Variants in KCNQ2 observed in about 807,000 individuals in gnomAD.
KCNQ2 encodes the protein potassium voltage-gated channel subfamily KQT member 2.
In KCNQ2, 14 loss-of-function variants were observed where a neutral mutation model predicts 84.8. The ratio of observed to expected loss-of-function variants is 0.17; its 90% confidence interval spans 0.11 to 0.26. The LOEUF (loss-of-function observed/expected upper bound fraction) is 0.26. Among genes scored for constraint, KCNQ2 ranks in the 10% least tolerant of loss-of-function variants. KCNQ2 has a pLI of 1.00. For missense variants in KCNQ2, 788 were observed against 1,254.0 expected (o/e 0.63, Z 5.61); for synonymous variants, 599 against 554.1 (o/e 1.08, Z -1.14).
intron 10 of KCNQ2, among the ~76,000 whole-genome samples, chr20:63,427,396 T>G (rs1003386834): frequency 6.6e-6 from 1 of 152,228 alleles, no homozygotes; most frequent in Non-Finnish European, 1.5e-5. Context: ...TTGTAGGCGT[T>G]TGCCACAGCC....
intron 1 of KCNQ2, among the ~76,000 whole-genome samples, chr20:63,458,774 C>A (rs1246520777): frequency 6.6e-6 from 1 of 152,234 alleles, no homozygotes; most frequent in Non-Finnish European, 1.5e-5. Context: ...CCAAGTTGAA[C>A]CTGCTCGAGA....
rs538896190 is a variant in KCNQ2, at chr20:63,406,619, G to A, written c.*25C>T. 2 of 1,573,396 alleles carry A rather than the reference G, an allele frequency of 1.3e-6. No homozygotes were observed. The highest frequency in any genetic ancestry group is 1.3e-5 in the African/African-American group (1 of 74,376). On this transcript the variant is annotated 3_prime_UTR_variant, in exon 17 of 17. Coordinates refer to ENST00000359125, the MANE Select transcript of KCNQ2 (RefSeq NM_172107.4). Reference sequence around the variant, plus strand: ...GGCACCGTGCTGAGGAGGGCCGCGGGCGGGTCCACTGGCCCAGCGCCGCCT... The same window carrying A: ...GGCACCGTGCTGAGGAGGGCCGCGGACGGGTCCACTGGCCCAGCGCCGCCT...
At chr20:63,461,607 G>A (rs1001178343) in intron 1 of KCNQ2, among the ~76,000 whole-genome samples, 11 of 152,166 alleles carry the variant, frequency 7.2e-5, no homozygotes, top group Non-Finnish European at 1.6e-4. Flanking sequence ...CCCAAGAGTG[G>A]CCCCAGAGCC....
rs774678292 is a variant in KCNQ2, at chr20:63,403,636, G to C, written c.*3008C>G. ...CATGTGTATGCCTGTATGCAGGCATGTGTATGCACGTATGTGTACTGTGCA... is the reference window on the plus strand; with the variant it reads ...CATGTGTATGCCTGTATGCAGGCATCTGTATGCACGTATGTGTACTGTGCA... On this transcript the variant is annotated 3_prime_UTR_variant, in exon 17 of 17. Coordinates refer to ENST00000359125, the MANE Select transcript of KCNQ2 (RefSeq NM_172107.4). 2.0e-5 allele frequency: 3 copies of C among 152,396 alleles called. No individual in the cohort carries two copies. Among genetic ancestry groups the C allele is most frequent in the Admixed American group, 2.0e-4 (3 of 15,282 alleles). The allele number at this position is 152,396 out of a possible 1,614,324, so 9.4% of individuals were successfully genotyped here.
At chr20:63,461,214 G>A (rs867376782) in intron 1 of KCNQ2, among the ~76,000 whole-genome samples, 2 of 152,268 alleles carry the variant, frequency 1.3e-5, no homozygotes, top group African/African-American at 4.8e-5. Context: ...CCTGACAGAC[G>A]CAGCCCTGTC....
chr20:63,428,214 G>A (rs1455912638), intron 10 of KCNQ2, among the ~76,000 whole-genome samples, 153 bp downstream of exon 10: 1 of 152,204 alleles, frequency 6.6e-6, no homozygotes, highest in Non-Finnish European at 1.5e-5. Context: ...GACGCGAAAA[G>A]AGAAAGCACC....
chr20:63,465,685 T>C (rs2082062156), intron 1 of KCNQ2, among the ~76,000 whole-genome samples: 1 of 152,188 alleles, frequency 6.6e-6, no homozygotes, highest in South Asian at 2.1e-4. Context: ...GTTAGGCGTG[T>C]TGAACAGGTG....
chr20:63,439,890 C>T, intron 5 of KCNQ2, 182 bp from the exon 6 acceptor site: 1 of 658,808 alleles, frequency 1.5e-6, no homozygotes, highest in Non-Finnish European at 2.8e-6. Context: ...CCCCTGAGCC[C>T]TCTCTCCTCT....
intron 1 of KCNQ2, among the ~76,000 whole-genome samples, chr20:63,466,264 G>C (rs527273063): frequency 6.6e-6 from 1 of 151,528 alleles, no homozygotes; most frequent in Non-Finnish European, 1.5e-5. Flanking sequence ...CCCGGGCCCC[G>C]CGCTTCAACC....
At position 63,472,150 on chromosome 20, in the gene KCNQ2, G is replaced by A. The variant is rs1327659322; in HGVS notation, c.296+18C>T. Reference sequence around the variant, plus strand: ...GGTCGCCATGGGGGTCGCCACGGGGGCCCCGCCGGCCACTCACACGTAGGC... The same window carrying A: ...GGTCGCCATGGGGGTCGCCACGGGGACCCCGCCGGCCACTCACACGTAGGC... On this transcript the variant is annotated intron_variant, in intron 1 of 16. Coordinates refer to ENST00000359125, the MANE Select transcript of KCNQ2 (RefSeq NM_172107.4). 6 of 1,479,770 alleles carry A rather than the reference G, an allele frequency of 4.1e-6. No individual in the cohort carries two copies. Among genetic ancestry groups the A allele is most frequent in the Admixed American group, 2.4e-5 (1 of 42,482 alleles). 91.7% of individuals were successfully genotyped at this position (1,479,770 alleles called of 1,614,324 possible). A position where few individuals can be genotyped will look rare whatever the true frequency, so the allele number is the denominator to read the frequency against.
chr20:63,449,057 A>G (rs1048458943), intron 1 of KCNQ2: 3 of 152,090 alleles, frequency 2.0e-5, no homozygotes, highest in Non-Finnish European at 2.9e-5. Flanking sequence ...CCCTTCCCAC[A>G]AAGGTTGCCA....
At position 63,466,311 on chromosome 20, in the gene KCNQ2, C is replaced by T. The variant is rs562253602; in HGVS notation, c.296+5857G>A. Reference sequence around the variant, plus strand: ...CAGGCTTCCCACGCTCGAGCCGGGGCCCCGCGCTTCAACCCACGACCCCCG... The same window carrying T: ...CAGGCTTCCCACGCTCGAGCCGGGGTCCCGCGCTTCAACCCACGACCCCCG... On this transcript the variant is annotated intron_variant, in intron 1 of 16. Coordinates refer to ENST00000359125, the MANE Select transcript of KCNQ2 (RefSeq NM_172107.4). 9.9e-4 allele frequency: 150 copies of T among 151,518 alleles called. 2 individuals carry two copies. Among genetic ancestry groups the T allele is most frequent in the African/African-American group, 3.6e-3 (148 of 41,272 alleles). 9.4% of individuals were successfully genotyped at this position (151,518 alleles called of 1,614,324 possible).
At chr20:63,441,324 C>T (rs1049979653) in intron 5 of KCNQ2, among the ~76,000 whole-genome samples, 2 of 151,478 alleles carry the variant, frequency 1.3e-5, no homozygotes, top group Non-Finnish European at 2.9e-5. Context: ...ATACCAGCAT[C>T]CCTATTTGCT....
chr20:63,442,792 CATT>C (rs1238444709), intron 4 of KCNQ2, among the ~76,000 whole-genome samples: 4 of 107,958 alleles, frequency 3.7e-5, no homozygotes, highest in Non-Finnish European at 4.0e-5. Context: ...CCACCATCAC[CATT>C]ACCACCACCA....
At chr20:63,450,703 C>A (rs1046095631) in intron 1 of KCNQ2, among the ~76,000 whole-genome samples, 2 of 151,374 alleles carry the variant, frequency 1.3e-5, no homozygotes, top group South Asian at 4.2e-4. Flanking sequence ...GCCGAGGCTG[C>A]GGGGGCTTGG....
At position 63,444,719 on chromosome 20, in the gene KCNQ2, G is replaced by T. The variant is rs1256399477; in HGVS notation, c.630C>A (p.Arg210=). The T allele has an allele frequency of 6.2e-7, 1 of 1,601,538 alleles. No individual in the cohort carries two copies. The highest frequency in any genetic ancestry group is 8.5e-7 in the Non-Finnish European group (1 of 1,175,010). The part of the protein sequence containing the change: ...LRFLQILRMI[R]MDRRGGTWKL... ...TCCAGGTGCCTCCCCGCCGGTCCATGCGGATCATCCGCAGAATCTGCAGGA... is the reference window on the plus strand; with the variant it reads ...TCCAGGTGCCTCCCCGCCGGTCCATTCGGATCATCCGCAGAATCTGCAGGA... Residue 210 remains arginine, a synonymous_variant, in exon 4 of 17, where the codon CGC becomes CGA. Transcript: ENST00000359125.
rs1282721250 is a variant in KCNQ2 at position 63,407,945 on chromosome 20, G to C, written c.1887+468C>G. Reference sequence around the variant, plus strand: ...GAACCCCCTTCAGGAAAGCCCCACAGGGCAGGACCTGGCAGTTCCTTACTC... The same window carrying C: ...GAACCCCCTTCAGGAAAGCCCCACACGGCAGGACCTGGCAGTTCCTTACTC... On this transcript the variant is annotated intron_variant, in intron 16 of 16. Coordinates refer to ENST00000359125, the MANE Select transcript of KCNQ2 (RefSeq NM_172107.4). This position sits in a 1 kb window ranked among gnomAD's most constrained non-coding sequence, Gnocchi z 7.2. The C allele has an allele frequency of 4.2e-6, 1 of 238,320 alleles. No individual in the cohort carries two copies. Among genetic ancestry groups the C allele is most frequent in the East Asian group, 1.1e-4 (1 of 9,314 alleles). The allele number at this position is 238,320 out of a possible 1,614,324, so 14.8% of individuals were successfully genotyped here.
intron 1 of KCNQ2, among the ~76,000 whole-genome samples, chr20:63,468,052 A>G (rs368408321): frequency 6.6e-6 from 1 of 152,202 alleles, no homozygotes; most frequent in Non-Finnish European, 1.5e-5. Context: ...AAGCAGCATC[A>G]TGTACAATGT....
chr20:63,452,004 G>A (rs1193256058), intron 1 of KCNQ2, among the ~76,000 whole-genome samples: 1 of 152,264 alleles, frequency 6.6e-6, no homozygotes, highest in Non-Finnish European at 1.5e-5. Context: ...CTGAAGCAGA[G>A]GTGGAGGCTT....
Sources: gnomAD v4.1 joint callset for allele counts (sites outside exome capture counted in the v4.1 genomes callset) on GRCh38, gnomAD v4.1.1 for gene constraint, Gnocchi (gnomAD v3.1) non-coding constraint, MANE v1.5 for transcripts, NCBI Gene and HGNC (gene_info 2026-07-23, HGNC 2026-07-21) for gene names.